The following HDAC9 variants were observed in gnomAD, a reference collection of about 807,000 sequenced individuals.
HDAC9 encodes the protein histone deacetylase 9, also known as MEF-2 interacting transcription repressor (MITR) protein.
In HDAC9, 41 loss-of-function variants were observed where a neutral mutation model predicts 139.4. The observed-to-expected ratio is 0.29, with a 90% CI of 0.23 to 0.38. HDAC9 has a LOEUF of 0.38. Among genes scored for constraint, HDAC9 ranks in the 10% least tolerant of loss-of-function variants. HDAC9 has a pLI of 1.00. For missense variants in HDAC9, 1,147 were observed against 1,297.0 expected (o/e 0.88, Z 1.78); for synonymous variants, 517 against 476.2 (o/e 1.09, Z -1.12).
intron 1 of HDAC9, among the ~76,000 whole-genome samples, chr7:18,332,033 AC>A (rs1800963146): frequency 6.6e-6 from 1 of 151,652 alleles, no homozygotes; most frequent in Non-Finnish European, 1.5e-5. Flanking sequence ...AGCACAATAT[AC>A]TTTTCATGGC....
intron 2 of HDAC9, among the ~76,000 whole-genome samples, chr7:18,579,797 GTGTGTGTGTGTA>G (rs1257659784): frequency 6.6e-6 from 1 of 152,058 alleles, no homozygotes; most frequent in African/African-American, 2.4e-5. Context: ...ATGCCTGTGT[GTGTGTGTGTGTA>G]TGTGTGTGTG....
intron 21 of HDAC9, among the ~76,000 whole-genome samples, chr7:18,853,837 T>G (rs1379713847): frequency 2.0e-5 from 3 of 152,282 alleles, no homozygotes; most frequent in African/African-American, 7.2e-5. Flanking sequence ...TTTTAAAAAA[T>G]TAGTTGATTG....
At chr7:18,534,275 G>C (rs1810093611) in intron 2 of HDAC9, among the ~76,000 whole-genome samples, 1 of 152,192 alleles carries the variant, frequency 6.6e-6, no homozygotes, top group South Asian at 2.1e-4. Context: ...CCTTGCATGT[G>C]CAGGCGTGAT....
At chr7:18,638,048 T>C (rs944332460) in intron 8 of HDAC9, among the ~76,000 whole-genome samples, 2 of 152,108 alleles carry the variant, frequency 1.3e-5, no homozygotes, top group African/African-American at 4.8e-5. Context: ...GGGGTATGAA[T>C]TATTTGCATA....
chr7:18,369,910 A>G (rs556968128), intron 1 of HDAC9, among the ~76,000 whole-genome samples: 7 of 152,278 alleles, frequency 4.6e-5, no homozygotes, highest in African/African-American at 1.7e-4. Context: ...CAGTGTAGGA[A>G]AAAATTGTAA....
intron 17 of HDAC9, chr7:18,808,120 T>C (rs925883328): frequency 2.6e-5 from 4 of 152,156 alleles, no homozygotes; most frequent in African/African-American, 9.7e-5. Flanking sequence ...TACTCCTCTA[T>C]TGAGGAACGT....
chr7:18,331,408 A>C (rs2128647415), intron 1 of HDAC9, among the ~76,000 whole-genome samples: 1 of 151,860 alleles, frequency 6.6e-6, no homozygotes, highest in East Asian at 1.9e-4. Flanking sequence ...ACATATTTTC[A>C]GTTAAAATTA....
intron 2 of HDAC9, among the ~76,000 whole-genome samples, chr7:18,210,940 A>G (rs1051625049): frequency 1.3e-5 from 2 of 152,128 alleles, no homozygotes; most frequent in South Asian, 2.1e-4. Context: ...AATGATGTCA[A>G]GGGTAGGACA....
intron 1 of HDAC9, among the ~76,000 whole-genome samples, chr7:18,427,105 C>T (rs756004599): frequency 7.2e-5 from 11 of 152,230 alleles, no homozygotes; most frequent in African/African-American, 2.2e-4. Flanking sequence ...TGGTATTAAC[C>T]GGCTGGAGAG....
At chr7:18,445,794 T>C (rs74355130) in intron 1 of HDAC9, among the ~76,000 whole-genome samples, 166 of 152,318 alleles carry the variant, frequency 1.1e-3, no homozygotes, top group African/African-American at 3.7e-3. Flanking sequence ...GCCAAAAAGA[T>C]AGTTGACAGC....
intron 22 of HDAC9, among the ~76,000 whole-genome samples, chr7:18,884,666 C>A (rs17350236): frequency 0.14 from 21,244 of 152,202 alleles, 1,812 homozygotes; most frequent in South Asian, 0.25. Flanking sequence ...CATCCTTTTA[C>A]AAGTCTCCCT....
Position 18,341,967 on chromosome 7 carries a change from G to A in HDAC9, c.-42+51452G>A, listed in dbSNP as rs190267751. Among the ~76,000 whole-genome samples the A allele has an allele frequency of 4.1e-3, 626 of 151,768 alleles. 3 individuals are homozygous for A. The highest frequency in any genetic ancestry group is 7.1e-3 in the Admixed American group (108 of 15,196). ...CTAGGGCTATTACTTCTCACTACTC[G>A]GGGAAGCCTCTTCAGTTTACTGTAC... On this transcript the variant is annotated intron_variant, in intron 1 of 3. Coordinates refer to the HDAC9 transcript ENST00000413509.
intron 25 of HDAC9, among the ~76,000 whole-genome samples, chr7:18,993,828 C>T (rs768394583): frequency 1.8e-4 from 28 of 151,588 alleles, no homozygotes; most frequent in Non-Finnish European, 3.7e-4. Flanking sequence ...AATGAAAGAG[C>T]GAGAGAGAGA....
At chr7:18,684,253 C>G (rs1247174955) in intron 12 of HDAC9, among the ~76,000 whole-genome samples, 1 of 142,774 alleles carries the variant, frequency 7.0e-6, no homozygotes. Flanking sequence ...GACCCTATCT[C>G]AAAAAAAAAA....
intron 2 of HDAC9, among the ~76,000 whole-genome samples, chr7:18,238,214 T>G (rs1239090997): frequency 6.6e-6 from 1 of 152,222 alleles, no homozygotes; most frequent in Non-Finnish European, 1.5e-5. Flanking sequence ...ATCCCTTGAT[T>G]TCTACAGCAT....
intron 2 of HDAC9, among the ~76,000 whole-genome samples, chr7:18,275,113 C>T (rs943489404): frequency 2.0e-5 from 3 of 152,186 alleles, no homozygotes; most frequent in African/African-American, 7.2e-5. Flanking sequence ...AATTGCTCTA[C>T]ACACAGTGTT....
At chr7:18,119,916 T>C (rs1784259272) in intron 1 of HDAC9, among the ~76,000 whole-genome samples, 1 of 152,222 alleles carries the variant, frequency 6.6e-6, no homozygotes, top group Non-Finnish European at 1.5e-5. Flanking sequence ...CATCAAGTAT[T>C]GATCAATCCT....
At chr7:18,959,602 C>G (rs1469508103) in intron 24 of HDAC9, among the ~76,000 whole-genome samples, 1 of 152,158 alleles carries the variant, frequency 6.6e-6, no homozygotes, top group Non-Finnish European at 1.5e-5. Context: ...ATCTTCTCCT[C>G]CACTCCACAA....
chr7:18,108,925 G>C (rs548012901), intron 1 of HDAC9, among the ~76,000 whole-genome samples: 1 of 151,908 alleles, frequency 6.6e-6, no homozygotes, highest in South Asian at 2.1e-4. Flanking sequence ...GGCCACACTC[G>C]TCTCTTATCA....
Sources: gnomAD v4.1 joint callset for allele counts (sites outside exome capture counted in the v4.1 genomes callset) on GRCh38, gnomAD v4.1.1 for gene constraint, MANE v1.5 for transcripts, NCBI Gene and HGNC (gene_info 2026-07-23, HGNC 2026-07-21) for gene names.